The following TTC28 variants were observed in gnomAD, a reference collection of about 807,000 sequenced individuals.
The protein encoded by TTC28 is tetratricopeptide repeat protein 28.
A neutral mutation model predicts 198.0 loss-of-function variants in TTC28; 61 were observed. The observed-to-expected ratio is 0.31, with a 90% CI of 0.25 to 0.38. The LOEUF is 0.38. Among genes scored for constraint, TTC28 ranks in the 10% least tolerant of loss-of-function variants. TTC28 has a pLI of 1.00. For synonymous variants in TTC28, 1,171 were observed against 1,297.8 expected (o/e 0.90, Z 2.10); for missense variants, 2,678 against 3,164.0 (o/e 0.85, Z 3.69).
intron 5 of TTC28, among the ~76,000 whole-genome samples, chr22:28,248,578 T>TG (rs1223815281): frequency 1.3e-5 from 2 of 152,088 alleles, no homozygotes; most frequent in African/African-American, 4.8e-5. Context: ...AGGAAAAACT[T>TG]GGAATATGAT....
intron 2 of TTC28, among the ~76,000 whole-genome samples, chr22:28,593,159 A>C (rs2050464720): frequency 6.6e-6 from 1 of 152,176 alleles, no homozygotes; most frequent in Admixed American, 6.5e-5. Context: ...GAGATGCTTC[A>C]TAATTGCAGC....
At chr22:28,459,920 G>T (rs1239057920) in intron 2 of TTC28, 1 of 152,216 alleles carries the variant, frequency 6.6e-6, no homozygotes, top group African/African-American at 2.4e-5. Flanking sequence ...AATGTTGGCT[G>T]TCCTGCGGAG....
intron 12 of TTC28, among the ~76,000 whole-genome samples, chr22:28,044,790 G>A (rs932196986): frequency 6.6e-6 from 1 of 152,064 alleles, no homozygotes; most frequent in Admixed American, 6.5e-5. Context: ...AGCATTTTTT[G>A]TACACATCCT....
chr22:28,407,856 C>G (rs1055613804), intron 2 of TTC28, among the ~76,000 whole-genome samples: 1 of 152,200 alleles, frequency 6.6e-6, no homozygotes. Context: ...TCTATTGGAT[C>G]TGGCATTATG....
intron 2 of TTC28, among the ~76,000 whole-genome samples, chr22:28,364,223 T>C (rs2046208132): frequency 6.6e-6 from 1 of 152,182 alleles, no homozygotes; most frequent in Non-Finnish European, 1.5e-5. Context: ...ATAAGTCTCA[T>C]GAGATCTGAT....
At chr22:28,185,904 T>C (rs552914478) in intron 5 of TTC28, among the ~76,000 whole-genome samples, 1 of 152,288 alleles carries the variant, frequency 6.6e-6, no homozygotes, top group Admixed American at 6.5e-5. Flanking sequence ...CCTACCTGAC[T>C]GCAAATCTGT....
chr22:28,357,315 A>ATTTT (rs11415868), intron 2 of TTC28, among the ~76,000 whole-genome samples: 23 of 113,454 alleles, frequency 2.0e-4, no homozygotes, highest in African/African-American at 4.5e-4. Context: ...CAAATTTCTT[A>ATTTT]TTTTTTTTTT....
chr22:28,595,135 T>C (rs1050537875), intron 2 of TTC28, among the ~76,000 whole-genome samples: 1 of 152,202 alleles, frequency 6.6e-6, no homozygotes, highest in East Asian at 1.9e-4. Context: ...AACTTAATTA[T>C]AGAAAGTGGT....
intron 5 of TTC28, among the ~76,000 whole-genome samples, chr22:28,207,223 G>GAA (rs367995993): frequency 0.013 from 1,050 of 78,694 alleles, 15 homozygotes; most frequent in African/African-American, 0.04. Flanking sequence ...CTAAGCAGAT[G>GAA]GAAAAAAAAA....
chr22:28,619,983 G>C (rs1157147694), intron 2 of TTC28, among the ~76,000 whole-genome samples: 4 of 152,160 alleles, frequency 2.6e-5, no homozygotes, highest in Non-Finnish European at 5.9e-5. Context: ...CAGATCATCT[G>C]CATCAATTTA....
chr22:28,469,295 A>C (rs181846577), intron 2 of TTC28, among the ~76,000 whole-genome samples: 88 of 152,352 alleles, frequency 5.8e-4, no homozygotes, highest in Non-Finnish European at 1.1e-3. Context: ...GCCAAAGCAG[A>C]GAAAGCTAGT....
At chr22:28,521,152 G>C (rs1314915182) in intron 2 of TTC28, among the ~76,000 whole-genome samples, 3 of 151,926 alleles carry the variant, frequency 2.0e-5, no homozygotes, top group Non-Finnish European at 4.4e-5. Context: ...ATAATCCAGG[G>C]ATTTGGGAGG....
chr22:28,053,748 C>T (rs188882054), intron 12 of TTC28, among the ~76,000 whole-genome samples: 7 of 152,176 alleles, frequency 4.6e-5, no homozygotes, highest in African/African-American at 1.7e-4. Flanking sequence ...AGCTACATTC[C>T]TCTTTTCTTT....
chr22:28,048,630 TCCACATATGCTGTCC>T (rs1045889059), intron 12 of TTC28, among the ~76,000 whole-genome samples: 2 of 151,942 alleles, frequency 1.3e-5, no homozygotes, highest in Admixed American at 1.3e-4. Flanking sequence ...ACTGCCTGAG[TCCACATATGCTGTCC>T]ACCACCTAGA....
chr22:28,644,328 G>A (rs1402837157), intron 1 of TTC28, among the ~76,000 whole-genome samples: 1 of 151,636 alleles, frequency 6.6e-6, no homozygotes, highest in Non-Finnish European at 1.5e-5. Context: ...GAACCCAGGA[G>A]GCGGAGGTTG....
intron 2 of TTC28, among the ~76,000 whole-genome samples, chr22:28,424,893 C>T (rs1212838679): frequency 1.3e-5 from 2 of 152,166 alleles, no homozygotes; most frequent in African/African-American, 2.4e-5. Flanking sequence ...ATTGTAGAGA[C>T]TCTCAGCAAA....
At chr22:28,663,095 TA>T (rs2051775104) in intron 1 of TTC28, among the ~76,000 whole-genome samples, 1 of 150,882 alleles carries the variant, frequency 6.6e-6, no homozygotes, top group Non-Finnish European at 1.5e-5. Context: ...AAAAATACAA[TA>T]AATTAGCCAG....
chr22:28,615,357 T>C (rs935306660), intron 2 of TTC28, among the ~76,000 whole-genome samples: 2 of 152,156 alleles, frequency 1.3e-5, no homozygotes, highest in Non-Finnish European at 2.9e-5. Context: ...TGGTGGGCTG[T>C]AAACTAGTTC....
At chr22:27,995,505 C>T (rs2745562) in intron 17 of TTC28, among the ~76,000 whole-genome samples, 9,032 of 152,250 alleles carry the variant, frequency 0.059, 366 homozygotes, top group Non-Finnish European at 0.083. Context: ...TAACTTTACA[C>T]ATGTAGCTGT....
Sources: allele counts gnomAD v4.1 joint callset (sites outside exome capture counted in the v4.1 genomes callset), GRCh38; gene constraint gnomAD v4.1.1; transcripts MANE v1.5; gene names NCBI Gene and HGNC (gene_info 2026-07-23, HGNC 2026-07-21).